Variants in GSTM3 observed in about 807,000 individuals in gnomAD.
The protein encoded by GSTM3 is glutathione S-transferase mu 3.
Under a neutral mutation model 36.1 loss-of-function variants are expected in GSTM3, and 34 were observed. The ratio of observed to expected loss-of-function variants is 0.94; its 90% confidence interval spans 0.72 to 1.25. The LOEUF (loss-of-function observed/expected upper bound fraction) is 1.25. Ranked by LOEUF, GSTM3 falls within the 50% of genes most tolerant of loss-of-function variation. GSTM3 has a pLI of 0.00. For synonymous variants in GSTM3, 102 were observed against 99.5 expected, an observed-to-expected ratio of 1.03 and a Z score of -0.15; for missense variants, 266 against 281.6, an observed-to-expected ratio of 0.94 and a Z score of 0.40.
At position 109,740,440 on chromosome 1, in the gene GSTM3, G is replaced by A. The variant is rs146929924; in HGVS notation, c.-153C>T. ...TGCCTCCGCGGCTCCACAGGGCCGT[G>A]CGCAGGCGCGACTAATGCCGGCGTT... is the stretch of plus-strand genomic sequence containing the variant. On this transcript the variant is annotated 5_prime_UTR_variant, in exon 2 of 9. Coordinates refer to ENST00000361066, the MANE Select transcript of GSTM3 (RefSeq NM_000849.5). 2.0e-5 allele frequency: 13 copies of A among 662,666 alleles called. No homozygotes were observed. The highest frequency in any genetic ancestry group is 2.9e-4 in the Middle Eastern group (1 of 3,406). 41.0% of individuals were successfully genotyped at this position (662,666 alleles called of 1,614,324 possible).
At chr1:109,739,635 T>G in intron 3 of GSTM3, 142 bp from the exon 4 acceptor site, 1 of 756,670 alleles carries the variant, frequency 1.3e-6, no homozygotes, top group Non-Finnish European at 2.3e-6. Flanking sequence ...TGAGCCCTAT[T>G]TGGTTAAGCA....
Position 109,737,141 on chromosome 1 carries a change from T to A in GSTM3, c.608A>T (p.Gln203Leu). 3 of 1,613,848 alleles carry A rather than the reference T, an allele frequency of 1.9e-6. No individual in the cohort carries two copies. Among genetic ancestry groups the A allele is most frequent in the Non-Finnish European group, 2.5e-6 (3 of 1,179,710 alleles). ...EALEKIAAYL[Q>L]SDQFCKMPIN... ...GGGCATCTTGCAGAACTGATCAGAC[T>A]GTAAGTAGGCAGCGATTTTCTCCAA... is the stretch of plus-strand genomic sequence containing the variant. Residue 203 changes from glutamine to leucine, a missense_variant, in exon 9 of 9, where the codon CAG (glutamine) becomes CTG (leucine). Coordinates refer to ENST00000361066, the MANE Select transcript of GSTM3 (RefSeq NM_000849.5).
At position 109,736,860 on chromosome 1, in the gene GSTM3, T is replaced by C. The variant is rs367731265; in HGVS notation, c.*211A>G. On this transcript the variant is annotated 3_prime_UTR_variant, in exon 9 of 9. Transcript: ENST00000361066. ...TGAACCTACAGCCCTTGAACTCAGT[T>C]GGGGAGTAGGGAAATGCCAGTATCG... The C allele has an allele frequency of 3.0e-5, 16 of 525,286 alleles. No homozygotes were observed. Among genetic ancestry groups the C allele is most frequent in the African/African-American group, 2.7e-4 (14 of 52,012 alleles). The allele number at this position is 525,286 out of a possible 1,614,324, so 32.5% of individuals were successfully genotyped here.
At position 109,740,230 on chromosome 1, in the gene GSTM3, C is replaced by T. The variant is rs1352937080; in HGVS notation, c.48+10G>A. The stretch of plus-strand genomic sequence containing the variant: ...TGACCGAGCGGCTCTACCGTTGAGA[C>T]GGCACTCACCCCACGAATATCCCAG... On this transcript the variant is annotated intron_variant, in intron 2 of 8. Transcript: ENST00000361066. The T allele has an allele frequency of 2.5e-6, 4 of 1,611,734 alleles. No individual in the cohort carries two copies. Among genetic ancestry groups the T allele is most frequent in the Admixed American group, 1.7e-5 (1 of 59,946 alleles).
At chr1:109,739,200 C>A (rs1299725869) in intron 4 of GSTM3, among the ~76,000 whole-genome samples, 1 of 152,206 alleles carries the variant, frequency 6.6e-6, no homozygotes, top group Non-Finnish European at 1.5e-5. Flanking sequence ...TGGCTAATAA[C>A]CAATGTCACT....
rs768275760 is a variant in GSTM3, at chr1:109,737,446, G to C, written c.579+11C>G. ...AGTGTTTTTATAAGAGAAAGGTGCA[G>C]GAAACGTCACCTCAAAACGGCACAT... is the stretch of plus-strand genomic sequence containing the variant. On this transcript the variant is annotated intron_variant, in intron 8 of 8. Transcript: ENST00000361066. The C allele has an allele frequency of 6.5e-7, 1 of 1,534,528 alleles. No homozygotes were observed. The highest frequency in any genetic ancestry group is 1.7e-4 in the Middle Eastern group (1 of 5,912).
intron 2 of GSTM3, 30 bp downstream of exon 2, chr1:109,740,210 G>C (rs770909787): frequency 2.5e-6 from 4 of 1,602,170 alleles, no homozygotes; most frequent in East Asian, 2.2e-5. Flanking sequence ...CTCTTTGACC[G>C]AGCGGCTCTA....
chr1:109,738,187 A>C lies in GSTM3; in HGVS notation c.276T>G (p.Gly92=). The C allele has an allele frequency of 6.2e-7, 1 of 1,612,218 alleles. No individual in the cohort carries two copies. Among genetic ancestry groups the C allele is most frequent in the Non-Finnish European group, 8.5e-7 (1 of 1,178,242 alleles). ...RYIARKHNMC[G]ETEEEKIRVD... ...CTCGAATCTTTTCTTCTTCAGTCTC[A>C]CCACCTGTAGGCCAAATGACAACAA... The change falls in exon 6 of 9, where the codon GGT becomes GGG. Residue 92 remains glycine (G), a synonymous_variant. Coordinates refer to ENST00000361066, the MANE Select transcript of GSTM3 (RefSeq NM_000849.5).
Position 109,739,468 on chromosome 1 carries a change from C to T in GSTM3, c.150G>A (p.Trp50Ter). 6.2e-7 allele frequency: 1 copy of T among 1,612,634 alleles called. No homozygotes were observed. Residue 50 changes from tryptophan (W) to a stop codon, truncating the protein, a stop_gained, in exon 4 of 9, where the codon TGG becomes TGA. Transcript: ENST00000361066. LOFTEE classifies it high-confidence loss of function. ...GEAPDYDRSQWLDVKFKLDLD... is the reference protein window; with the variant it reads ...GEAPDYDRSQ ...GGTCTAGCTTGAATTTCACATCCAG[C>T]CATTGGCTTCGATCATAGTCAGGAG...
chr1:109,736,658 A>C lies in GSTM3; in HGVS notation c.*413T>G, dbSNP rs889354688. 1 of 158,176 alleles carries C rather than the reference A, an allele frequency of 6.3e-6. No individual in the cohort carries two copies. The highest frequency in any genetic ancestry group is 1.4e-5 in the Non-Finnish European group (1 of 72,090). The allele number at this position is 158,176 out of a possible 1,614,324, so 9.8% of individuals were successfully genotyped here. ...TCTGAAATACTGCCTTTATCACACT[A>C]AACTCCCATGTGTACACAGGACGGT... On this transcript the variant is annotated 3_prime_UTR_variant, in exon 9 of 9. Transcript: ENST00000361066.
intron 3 of GSTM3, 77 bp downstream of exon 3, chr1:109,739,756 C>G: frequency 8.6e-7 from 1 of 1,166,974 alleles, no homozygotes; most frequent in South Asian, 1.3e-5. Context: ...GGCGCGACGC[C>G]ACCACCCTCT....
At position 109,735,633 on chromosome 1, in the gene GSTM3, GTTTTTTTTTTTTTT is replaced by G. The variant is rs34865003; in HGVS notation, c.*1424_*1437del. 2.6e-4 allele frequency: 16 copies of G among 60,720 alleles called. No individual in the cohort carries two copies. Among genetic ancestry groups the G allele is most frequent in the South Asian group, 8.1e-4 (1 of 1,230 alleles). 3.8% of individuals were successfully genotyped at this position (60,720 alleles called of 1,614,324 possible). A position where few individuals can be genotyped will look rare whatever the true frequency, so the allele number is the denominator to read the frequency against. On this transcript the variant is annotated 3_prime_UTR_variant, in exon 9 of 9. Coordinates refer to ENST00000361066, the MANE Select transcript of GSTM3 (RefSeq NM_000849.5). ...CATCTTAGTATATGTCTCTTTGAAT[GTTTTTTTTTTTTTT>G]TTTTTTTTTTTTTTGAGACAGAGTC...
chr1:109,735,362 CAG>C lies in GSTM3; in HGVS notation c.*1707_*1708del, dbSNP rs1377794474. ...CTAATTAAAAAAAATTTTTGGGAGACAGGGGTCTCACTATGTTGCCCAGGCTG... is the reference window on the plus strand; with the variant it reads ...CTAATTAAAAAAAATTTTTGGGAGACGGGTCTCACTATGTTGCCCAGGCTG... On this transcript the variant is annotated 3_prime_UTR_variant, in exon 9 of 9. Transcript: ENST00000361066. 2 of 151,936 alleles carry C rather than the reference CAG, an allele frequency of 1.3e-5. No homozygotes were observed. Among genetic ancestry groups the C allele is most frequent in the Non-Finnish European group, 2.9e-5 (2 of 68,022 alleles). The allele number at this position is 151,936 out of a possible 1,614,324, so 9.4% of individuals were successfully genotyped here. A position where few individuals can be genotyped will look rare whatever the true frequency, so the allele number is the denominator to read the frequency against.
Position 109,739,889 on chromosome 1 carries a change from A to C in GSTM3, c.68T>G (p.Leu23Arg), listed in dbSNP as rs140815169. 1 of 1,555,288 alleles carries C rather than the reference A, an allele frequency of 6.4e-7. No homozygotes were observed. The highest frequency in any genetic ancestry group is 8.7e-7 in the Non-Finnish European group (1 of 1,148,644). Residue 23 changes from leucine (L) to arginine (R), a missense_variant, in exon 3 of 9, where the codon CTG becomes CGG. By Grantham distance (102) the Leu-to-Arg change is moderately radical (BLOSUM62 -2). Transcript: ENST00000361066. ...AGAGGTATCCGTGAACTCCAGGAGC[A>C]GGCGGATGGCGTGCGCCAGCTGGGG... is the stretch of plus-strand genomic sequence containing the variant. The part of the protein sequence containing the change: ...DIRGLAHAIR[L>R]LLEFTDTSYE...
rs1649177254 is a variant in GSTM3, at chr1:109,735,635, T to TG, written c.*1435_*1436insC. The TG allele has an allele frequency of 1.3e-5, 1 of 77,688 alleles. No homozygotes were observed. The highest frequency in any genetic ancestry group is 3.7e-4 in the South Asian group (1 of 2,680). 4.8% of individuals were successfully genotyped at this position (77,688 alleles called of 1,614,324 possible). On this transcript the variant is annotated 3_prime_UTR_variant, in exon 9 of 9. Transcript: ENST00000361066. ...TCTTAGTATATGTCTCTTTGAATGT[T>TG]TTTTTTTTTTTTTTTTTTTTTTTTT...
At position 109,740,318 on chromosome 1, in the gene GSTM3, G is replaced by A. The variant is rs748277421; in HGVS notation, c.-31C>T. ...CGGGCTTCCGAGCCTTCGAGGACTA[G>A]GGAAACTGTGAGCGGGAGGGGCTTT... is the stretch of plus-strand genomic sequence containing the variant. On this transcript the variant is annotated 5_prime_UTR_variant, in exon 2 of 9. Transcript: ENST00000361066. The A allele has an allele frequency of 6.2e-7, 1 of 1,606,052 alleles. No individual in the cohort carries two copies. The highest frequency in any genetic ancestry group is 1.3e-5 in the African/African-American group (1 of 74,884).
At chr1:109,740,739 C>T (rs1314299754) in intron 1 of GSTM3, among the ~76,000 whole-genome samples, 2 of 152,250 alleles carry the variant, frequency 1.3e-5, no homozygotes, top group African/African-American at 4.8e-5. Context: ...AGACCAGCCT[C>T]TGACCACACA....
At position 109,736,980 on chromosome 1, in the gene GSTM3, T is replaced by G. The variant is rs2234696; in HGVS notation, c.*91A>C. Reference sequence around the variant, plus strand: ...GAAACTCAGCTGGACACCAGTAACATAAGTGCTATTCATTGAAAAGAGCAA... The same window carrying G: ...GAAACTCAGCTGGACACCAGTAACAGAAGTGCTATTCATTGAAAAGAGCAA... On this transcript the variant is annotated 3_prime_UTR_variant, in exon 9 of 9. Transcript: ENST00000361066. 67,487 of 745,912 alleles carry G rather than the reference T, an allele frequency of 0.09. 4,603 individuals carry two copies. The highest frequency in any genetic ancestry group is 0.29 in the African/African-American group (16,988 of 57,722). 46.2% of individuals were successfully genotyped at this position (745,912 alleles called of 1,614,324 possible).
Position 109,737,741 on chromosome 1 carries a change from T to C in GSTM3, c.383A>G (p.Lys128Arg). 1 of 1,584,716 alleles carries C rather than the reference T, an allele frequency of 6.3e-7. No homozygotes were observed. Among genetic ancestry groups the C allele is most frequent in the Non-Finnish European group, 8.6e-7 (1 of 1,161,750 alleles). The part of the protein sequence containing the change: ...LCYSSDHEKL[K>R]PQYLEELPGQ... Reference sequence around the variant, plus strand: ...AGGTAGCTCTTCCAAGTACTGAGGCTTCAGTTTTTCCTGAGAGGAAAAAAC... The same window carrying C: ...AGGTAGCTCTTCCAAGTACTGAGGCCTCAGTTTTTCCTGAGAGGAAAAAAC... The change falls in exon 7 of 9, where the codon AAG (lysine) becomes AGG (arginine). Residue 128 changes from lysine (K) to arginine (R), a missense_variant. Coordinates refer to ENST00000361066, the MANE Select transcript of GSTM3 (RefSeq NM_000849.5).
Sources: gnomAD v4.1 joint callset for allele counts (sites outside exome capture counted in the v4.1 genomes callset) on GRCh38, gnomAD v4.1.1 for gene constraint, MANE v1.5 for transcripts, NCBI Gene and HGNC (gene_info 2026-07-23, HGNC 2026-07-21) for gene names.